The following TPGS2 variants were observed in gnomAD, a reference collection of about 807,000 sequenced individuals.
The protein encoded by TPGS2 is tubulin polyglutamylase complex subunit 2.
Under a neutral mutation model 31.1 loss-of-function variants are expected in TPGS2, and 26 were observed. The observed-to-expected ratio is 0.84, with a 90% CI of 0.61 to 1.16. TPGS2 has a LOEUF of 1.16. Among genes scored for constraint, TPGS2 ranks in the 50% most tolerant of loss-of-function variants. The probability of loss-of-function intolerance (pLI) is 0.00; values close to 1 mark genes in which losing one functional copy is unlikely to be tolerated. For missense variants in TPGS2, 351 were observed against 363.8 expected (o/e 0.96, Z 0.29); for synonymous variants, 130 against 136.6 (o/e 0.95, Z 0.34).
intron 1 of TPGS2, among the ~76,000 whole-genome samples, chr18:36,824,094 T>G (rs1316500179): frequency 2.0e-5 from 3 of 152,216 alleles, no homozygotes; most frequent in African/African-American, 7.2e-5. Context: ...TATAGATTGG[T>G]CTCTTCTGGA....
chr18:36,818,751 A>G, intron 2 of TPGS2, 143 bp downstream of exon 2: 1 of 721,568 alleles, frequency 1.4e-6, no homozygotes, highest in Non-Finnish European at 2.3e-6. Context: ...AGTGGGCTGA[A>G]CAGGAACATA....
chr18:36,790,221 C>T (rs2044262060), downstream of TPGS2: 1 of 152,204 alleles, frequency 6.6e-6, no homozygotes, highest in Non-Finnish European at 1.5e-5. Context: ...CTAAATCCAC[C>T]TTACAATAAT....
chr18:36,828,894 T>A lies in TPGS2; in HGVS notation c.-127A>T, dbSNP rs949262889. ...GGCGCCTGAAAGCGCGGCGCAGTGA[T>A]GATGGGGGCCCGGGGTTGGTCTGAC... On this transcript the variant is annotated 5_prime_UTR_variant, in exon 1 of 7. Transcript: ENST00000334295. 1.7e-6 allele frequency: 2 copies of A among 1,199,050 alleles called. No homozygotes were observed. The highest frequency in any genetic ancestry group is 2.3e-6 in the Non-Finnish European group (2 of 864,204). 74.3% of individuals were successfully genotyped at this position (1,199,050 alleles called of 1,614,324 possible).
At chr18:36,807,810 G>T in intron 3 of TPGS2, 37 bp downstream of exon 3, 1 of 1,596,994 alleles carries the variant, frequency 6.3e-7, no homozygotes, top group Non-Finnish European at 8.6e-7. Context: ...CAATCTCTCA[G>T]CCAGGGAAAT....
chr18:36,824,257 TTCA>T (rs2046035765), intron 1 of TPGS2, among the ~76,000 whole-genome samples: 1 of 152,244 alleles, frequency 6.6e-6, no homozygotes, highest in Non-Finnish European at 1.5e-5. Flanking sequence ...ATATATCACG[TTCA>T]TCAACTGATG....
intron 6 of TPGS2, chr18:36,787,167 C>A: frequency 2.4e-6 from 3 of 1,225,856 alleles, no homozygotes; most frequent in Non-Finnish European, 3.1e-6. Context: ...ACAGGTAGCA[C>A]ATTAAATGAG....
chr18:36,781,889 G>C, downstream of TPGS2: 7 of 985,312 alleles, frequency 7.1e-6, no homozygotes, highest in Non-Finnish European at 8.4e-6. Flanking sequence ...GCGAGAGTTG[G>C]GTCTGTACAT....
intron 6 of TPGS2, among the ~76,000 whole-genome samples, chr18:36,797,429 A>G: frequency 8.5e-6 from 1 of 117,256 alleles, no homozygotes; most frequent in Non-Finnish European, 2.1e-5. Flanking sequence ...TTCTGGCAGC[A>G]CCATTCCCCC....
downstream of TPGS2, chr18:36,781,688 G>C: frequency 1.1e-6 from 1 of 883,654 alleles, no homozygotes; most frequent in Non-Finnish European, 1.4e-6. Flanking sequence ...TGAACCTGGG[G>C]ATATGTGATT....
intron 4 of TPGS2, among the ~76,000 whole-genome samples, chr18:36,802,211 A>G (rs2044853092): frequency 6.6e-6 from 1 of 152,310 alleles, no homozygotes; most frequent in Non-Finnish European, 1.5e-5. Context: ...GGATGAAATA[A>G]AAAGTCCAGT....
At position 36,802,794 on chromosome 18, in the gene TPGS2, A is replaced by AT. The variant is rs1415202520; in HGVS notation, c.383-2484dup. On this transcript the variant is annotated intron_variant, in intron 4 of 6. Transcript: ENST00000334295. ...AGGTGCCCGCCACCACGCCTGGCTA[A>AT]TTTTTGTACTTTTAGTAGAGACGGG... Among the ~76,000 whole-genome samples the AT allele has an allele frequency of 1.6e-4, 24 of 152,002 alleles. No individual in the cohort carries two copies. The East Asian group carries it at 3.9e-3, about 25-fold the overall frequency.
intron 2 of TPGS2, among the ~76,000 whole-genome samples, chr18:36,808,288 A>G (rs1035644551): frequency 6.6e-6 from 1 of 152,226 alleles, no homozygotes; most frequent in African/African-American, 2.4e-5. Context: ...AAGCAAAGCA[A>G]TCACTGCCGT....
At chr18:36,823,985 G>T in intron 1 of TPGS2, 1 of 521,402 alleles carries the variant, frequency 1.9e-6, no homozygotes, top group Non-Finnish European at 2.5e-6. Flanking sequence ...TTTATATTCA[G>T]AGTTATGCAT....
chr18:36,785,568 A>T (rs999806814), intron 6 of TPGS2, among the ~76,000 whole-genome samples: 12 of 152,158 alleles, frequency 7.9e-5, no homozygotes, highest in African/African-American at 2.7e-4. Context: ...AGCCCATTTT[A>T]TTCTCCTAAT....
chr18:36,813,208 G>A (rs1044448538), intron 2 of TPGS2, among the ~76,000 whole-genome samples: 1 of 152,164 alleles, frequency 6.6e-6, no homozygotes, highest in African/African-American at 2.4e-5. Context: ...GGAGCTGAAG[G>A]GGCAAAGAGA....
At chr18:36,823,725 G>C (rs2046007884) in intron 1 of TPGS2, 1 of 570,166 alleles carries the variant, frequency 1.8e-6, no homozygotes, top group Admixed American at 6.4e-5. Context: ...CTCCCAAAGT[G>C]CTGGGATTAC....
In TPGS2 at chr18:36,807,904, TCA is replaced by T; in HGVS notation, c.194_195del (p.Val65GlufsTer20). ...QKNNCVMPED[V>X]KNFYLMTNGF... is the part of the protein sequence containing the mutation. ...CCATTGGTCATCAGGTAAAAGTTCT[TCA>T]CATCTTCAGGCATCACACAGTTATT... is the stretch of plus-strand genomic sequence containing the variant. On this transcript the variant is annotated frameshift_variant, in exon 3 of 7. Transcript: ENST00000334295. LOFTEE classifies it high-confidence loss of function. 6.2e-7 allele frequency: 1 copy of T among 1,614,152 alleles called. No homozygotes were observed. The highest frequency in any genetic ancestry group is 8.5e-7 in the Non-Finnish European group (1 of 1,180,020).
chr18:36,781,770 G>A, downstream of TPGS2: 2 of 985,444 alleles, frequency 2.0e-6, no homozygotes, highest in Non-Finnish European at 2.4e-6. Flanking sequence ...CTGTGCCTGT[G>A]TTCCCCTCTC....
chr18:36,823,521 C>T (rs996362822), intron 1 of TPGS2, among the ~76,000 whole-genome samples: 8 of 133,190 alleles, frequency 6.0e-5, no homozygotes, highest in Non-Finnish European at 1.2e-4. Flanking sequence ...AGTGCAGTGG[C>T]GCGATCTCGG....
Sources: allele counts gnomAD v4.1 joint callset (sites outside exome capture counted in the v4.1 genomes callset), GRCh38; gene constraint gnomAD v4.1.1; transcripts MANE v1.5; gene names NCBI Gene and HGNC (gene_info 2026-07-23, HGNC 2026-07-21).